Variants in SLCO1C1 observed in about 807,000 individuals in gnomAD.
SLCO1C1 encodes OAT-RP-5.
In SLCO1C1, 70 loss-of-function variants were observed where a neutral mutation model predicts 76.4. The observed-to-expected ratio is 0.92, with a 90% CI of 0.76 to 1.12. The LOEUF (loss-of-function observed/expected upper bound fraction) is 1.12, where lower values mean the gene tolerates loss of function less well. Among genes scored for constraint, SLCO1C1 ranks in the 50% most tolerant of loss-of-function variants. The probability of loss-of-function intolerance (pLI) is 0.00; values close to 1 mark genes in which losing one functional copy is unlikely to be tolerated. For synonymous variants in SLCO1C1, 306 were observed against 286.1 expected, an observed-to-expected ratio of 1.07 and a Z score of -0.70; for missense variants, 912 against 823.8, an observed-to-expected ratio of 1.11 and a Z score of -1.31.
intron 1 of SLCO1C1, chr12:20,697,466 C>A (rs528586504): frequency 1.2e-4 from 18 of 151,918 alleles, no homozygotes; most frequent in Non-Finnish European, 2.4e-4. Flanking sequence ...TTTCCCAAAC[C>A]CTGTTTTCCT....
At chr12:20,713,704 T>C (rs545592011) in intron 5 of SLCO1C1, among the ~76,000 whole-genome samples, 2 of 152,324 alleles carry the variant, frequency 1.3e-5, no homozygotes, top group South Asian at 4.1e-4. Flanking sequence ...CAGAACTATC[T>C]GTGATGATCG....
At chr12:20,710,489 T>G (rs1307389916) in intron 4 of SLCO1C1, among the ~76,000 whole-genome samples, 1 of 152,130 alleles carries the variant, frequency 6.6e-6, no homozygotes, top group African/African-American at 2.4e-5. Flanking sequence ...ACAAAGAGTG[T>G]GGAGAACGTG....
chr12:20,722,166 A>T (rs958963732), intron 8 of SLCO1C1, 117 bp downstream of exon 8: 16 of 1,345,106 alleles, frequency 1.2e-5, no homozygotes, highest in Non-Finnish European at 1.5e-5. Flanking sequence ...ACCATATCAG[A>T]AGCAAAAATG....
chr12:20,724,431 ATATATATATATATATATATATGTGTG>A (rs1947844434), intron 9 of SLCO1C1, among the ~76,000 whole-genome samples: 1 of 126,086 alleles, frequency 7.9e-6, no homozygotes, highest in Non-Finnish European at 1.7e-5. Flanking sequence ...ATATATATAT[ATATATATATATATATATATATGTGTG>A]TGTGTGTGTG....
chr12:20,712,914 G>C (rs1565509699), intron 5 of SLCO1C1, among the ~76,000 whole-genome samples: 1 of 152,180 alleles, frequency 6.6e-6, no homozygotes, highest in South Asian at 2.1e-4. Flanking sequence ...GGGGGTAATA[G>C]ATATGTTCAG....
intron 9 of SLCO1C1, among the ~76,000 whole-genome samples, chr12:20,726,179 G>T (rs1274272983): frequency 6.6e-6 from 1 of 151,848 alleles, no homozygotes; most frequent in African/African-American, 2.4e-5. Flanking sequence ...CATAGTAAAT[G>T]CGTATATCTG....
rs758646329 is a variant in SLCO1C1 at position 20,743,357 on chromosome 12, A to G, written c.1786A>G (p.Ile596Val). Residue 596 changes from isoleucine (I) to valine (V), a missense_variant, in exon 13 of 15, where the codon ATA becomes GTA. Physicochemically the swap from Ile to Val is conservative, Grantham distance 29. Coordinates refer to ENST00000266509, the MANE Select transcript of SLCO1C1 (RefSeq NM_017435.5). Reference sequence around the variant, plus strand: ...TGCCTTGGGTATCTACACATTAGCAATAAGAGTTCTTGGTAAGTTTAACCT... The same window carrying G: ...TGCCTTGGGTATCTACACATTAGCAGTAAGAGTTCTTGGTAAGTTTAACCT... The part of the protein sequence containing the change: ...SFALGIYTLA[I>V]RVLAGIPAPV... 27 of 1,612,690 alleles carry G rather than the reference A, an allele frequency of 1.7e-5. No homozygotes were observed. The highest frequency in any genetic ancestry group is 1.3e-4 in the South Asian group (12 of 90,974).
At chr12:20,728,211 C>A (rs940159508) in intron 9 of SLCO1C1, among the ~76,000 whole-genome samples, 3 of 151,904 alleles carry the variant, frequency 2.0e-5, no homozygotes, top group Admixed American at 6.6e-5. Flanking sequence ...ATAAGGGGTC[C>A]AGTTTCATTC....
chr12:20,725,317 C>G (rs1299173788), intron 9 of SLCO1C1, among the ~76,000 whole-genome samples: 1 of 130,942 alleles, frequency 7.6e-6, no homozygotes, highest in Non-Finnish European at 1.6e-5. Context: ...GCATATTACA[C>G]TATAAGATAG....
chr12:20,748,259 T>C (rs2120928165), intron 13 of SLCO1C1, among the ~76,000 whole-genome samples: 1 of 152,276 alleles, frequency 6.6e-6, no homozygotes, highest in Non-Finnish European at 1.5e-5. Context: ...AAATTTCAAA[T>C]CTACCAAAAA....
intron 4 of SLCO1C1, among the ~76,000 whole-genome samples, chr12:20,707,956 TTAATA>T (rs1353031717): frequency 6.6e-6 from 1 of 152,194 alleles, no homozygotes; most frequent in African/African-American, 2.4e-5. Flanking sequence ...TATTTATTAT[TTAATA>T]TATTTGCCAG....
chr12:20,743,356 A>C lies in SLCO1C1; in HGVS notation c.1785A>C (p.Ala595=). 6.2e-7 allele frequency: 1 copy of C among 1,612,730 alleles called. No homozygotes were observed. Among genetic ancestry groups the C allele is most frequent in the Non-Finnish European group, 8.5e-7 (1 of 1,179,200 alleles). ...TTGCCTTGGGTATCTACACATTAGC[A>C]ATAAGAGTTCTTGGTAAGTTTAACC... The part of the protein sequence containing the change: ...KSFALGIYTL[A]IRVLAGIPAP... The change falls in exon 13 of 15, where the codon GCA becomes GCC. Residue 595 remains alanine, a synonymous_variant. Transcript: ENST00000266509.
At chr12:20,734,205 T>TTAATAAAGGTTA (rs368888747) in intron 10 of SLCO1C1, among the ~76,000 whole-genome samples, 3 of 152,186 alleles carry the variant, frequency 2.0e-5, no homozygotes, top group African/African-American at 7.2e-5. Flanking sequence ...ATTAACCTGG[T>TTAATAAAGGTTA]TTCATCTGCT....
At chr12:20,709,230 CAG>C (rs1011839816) in intron 4 of SLCO1C1, among the ~76,000 whole-genome samples, 2 of 152,174 alleles carry the variant, frequency 1.3e-5, no homozygotes, top group Non-Finnish European at 2.9e-5. Context: ...TCTTCTCCAA[CAG>C]AGTCTCAATA....
intron 5 of SLCO1C1, among the ~76,000 whole-genome samples, 178 bp downstream of exon 5, chr12:20,711,688 GAA>G (rs3215245): frequency 0.086 from 13,119 of 152,058 alleles, 593 homozygotes; most frequent in Middle Eastern, 0.17. Flanking sequence ...TAGATCCTAA[GAA>G]AATATACCAG....
intron 9 of SLCO1C1, among the ~76,000 whole-genome samples, chr12:20,723,562 AAC>A (rs1947788534): frequency 6.6e-6 from 1 of 152,168 alleles, no homozygotes; most frequent in South Asian, 2.1e-4. Flanking sequence ...ATTTTACATG[AAC>A]AGTTTCTAGG....
Position 20,714,937 on chromosome 12 carries a change from A to G in SLCO1C1, c.530-202A>G, listed in dbSNP as rs113469588. On this transcript the variant is annotated intron_variant, in intron 5 of 14. Coordinates refer to ENST00000266509, the MANE Select transcript of SLCO1C1 (RefSeq NM_017435.5). ...AAGAAGCAATAAAGTTCCTTGGTGA[A>G]GTCTCTTGGGGATTTACTCTGCCTA... Among the ~76,000 whole-genome samples, 76 of 152,328 alleles carry G rather than the reference A, an allele frequency of 5.0e-4. 2 individuals are homozygous for G. The highest frequency in any genetic ancestry group is 1.8e-3 in the African/African-American group (74 of 41,572).
intron 7 of SLCO1C1, among the ~76,000 whole-genome samples, chr12:20,720,976 A>G (rs1307246423): frequency 3.3e-5 from 5 of 149,628 alleles, no homozygotes; most frequent in Non-Finnish European, 3.0e-5. Flanking sequence ...CAGCCTGGGC[A>G]ACAAGAGTGA....
chr12:20,717,107 T>TG, intron 6 of SLCO1C1, 25 bp from the exon 7 acceptor site: 1 of 1,529,760 alleles, frequency 6.5e-7, no homozygotes, highest in Admixed American at 1.9e-5. Flanking sequence ...AGCTTTTTTT[T>TG]TTTCCTTTTC....
Sources: gnomAD v4.1 joint callset for allele counts (sites outside exome capture counted in the v4.1 genomes callset) on GRCh38, gnomAD v4.1.1 for gene constraint, MANE v1.5 for transcripts, NCBI Gene and HGNC (gene_info 2026-07-23, HGNC 2026-07-21) for gene names.